SPATA13: variants seen among roughly 807,000 people sequenced by gnomAD.
The protein encoded by SPATA13 is spermatogenesis-associated protein 13.
Under a neutral mutation model 104.0 loss-of-function variants are expected in SPATA13, and 50 were observed. The observed-to-expected ratio is 0.48, with a 90% CI of 0.38 to 0.61. SPATA13 has a LOEUF of 0.61. Among genes scored for constraint, SPATA13 ranks in the 20% least tolerant of loss-of-function variants. The pLI, the probability that SPATA13 is intolerant of heterozygous loss-of-function variation, is 0.00. For missense variants in SPATA13, 1,524 were observed against 1,690.6 expected (o/e 0.90, Z 1.73); for synonymous variants, 606 against 667.5 (o/e 0.91, Z 1.42).
Position 24,290,638 on chromosome 13 carries a change from CT to C in SPATA13, c.2848-10del. ...CACCCCAGAAGCTGACGAAGCTGTA[CT>C]TTTCCTTCCCAGCAAGAGGGCTTTG... On this transcript the variant is annotated splice_polypyrimidine_tract_variant and intron_variant, in intron 8 of 12. Transcript: ENST00000382108. The C allele has an allele frequency of 6.2e-7, 1 of 1,611,446 alleles. No homozygotes were observed.
intron 3 of SPATA13, among the ~76,000 whole-genome samples, chr13:24,065,242 G>A (rs1219327153): frequency 6.6e-6 from 1 of 152,154 alleles, no homozygotes; most frequent in African/African-American, 2.4e-5. Flanking sequence ...ACCAAGAGCT[G>A]TCTACTTAGT....
At chr13:24,089,314 C>G (rs374596629) in intron 3 of SPATA13, among the ~76,000 whole-genome samples, 3 of 152,150 alleles carry the variant, frequency 2.0e-5, no homozygotes, top group Middle Eastern at 3.2e-3. Flanking sequence ...GGGACCCCCC[C>G]ACACACCACT....
chr13:24,233,070 G>T (rs959888456), intron 2 of SPATA13, among the ~76,000 whole-genome samples: 4 of 152,082 alleles, frequency 2.6e-5, no homozygotes, highest in Non-Finnish European at 1.5e-5. Context: ...TTTAATATAT[G>T]AACATCTGTT....
chr13:24,082,411 A>T (rs1292835073), intron 3 of SPATA13, among the ~76,000 whole-genome samples: 1 of 152,188 alleles, frequency 6.6e-6, no homozygotes, highest in Non-Finnish European at 1.5e-5. Flanking sequence ...GGAGGGTAAC[A>T]CTGATGGAGA....
intron 4 of SPATA13, among the ~76,000 whole-genome samples, chr13:24,256,935 T>C (rs1318295826): frequency 4.6e-5 from 7 of 152,264 alleles, no homozygotes. Flanking sequence ...ATGCCCACAC[T>C]GCTAGAAGAT....
At chr13:24,140,270 G>C (rs1365349146) in intron 3 of SPATA13, among the ~76,000 whole-genome samples, 1 of 152,160 alleles carries the variant, frequency 6.6e-6, no homozygotes, top group African/African-American at 2.4e-5. Flanking sequence ...TGTAATCTGT[G>C]AACACCACGG....
intron 2 of SPATA13, among the ~76,000 whole-genome samples, chr13:24,239,430 C>T (rs1423597237): frequency 1.3e-5 from 2 of 152,180 alleles, no homozygotes; most frequent in Middle Eastern, 3.4e-3. Flanking sequence ...TATGGTGGCT[C>T]ACACCTGTAA....
intron 3 of SPATA13, among the ~76,000 whole-genome samples, chr13:24,087,073 C>T (rs1879749570): frequency 6.6e-6 from 1 of 152,182 alleles, no homozygotes; most frequent in Admixed American, 6.5e-5. Flanking sequence ...GGGGTCCCTC[C>T]CCCAGTCACA....
intron 3 of SPATA13, among the ~76,000 whole-genome samples, chr13:24,096,483 A>G (rs1593326566): frequency 6.6e-6 from 1 of 151,978 alleles, no homozygotes; most frequent in Non-Finnish European, 1.5e-5. Context: ...CCTGTAATCC[A>G]AGCTACTCGG....
chr13:24,285,513 T>G (rs116606167), intron 5 of SPATA13, among the ~76,000 whole-genome samples: 1 of 150,508 alleles, frequency 6.6e-6, no homozygotes, highest in African/African-American at 2.5e-5. Flanking sequence ...CTGCCTGCCT[T>G]CCTCCCTCCC....
intron 3 of SPATA13, among the ~76,000 whole-genome samples, chr13:24,097,750 C>T (rs1880128395): frequency 6.6e-6 from 1 of 152,126 alleles, no homozygotes; most frequent in East Asian, 1.9e-4. Context: ...AGAGGGACCC[C>T]CCAACATAGC....
intron 1 of SPATA13, among the ~76,000 whole-genome samples, chr13:23,981,362 T>C (rs188412439): frequency 6.6e-6 from 1 of 152,366 alleles, no homozygotes; most frequent in East Asian, 1.9e-4. Context: ...ATTATGTTAT[T>C]TGTTTACTCA....
intron 3 of SPATA13, among the ~76,000 whole-genome samples, chr13:24,147,216 G>A (rs1174961595): frequency 6.6e-6 from 1 of 152,170 alleles, no homozygotes; most frequent in Admixed American, 6.5e-5. Flanking sequence ...TATGTGTGAT[G>A]CATGTCTCGT....
At chr13:24,020,547 A>C (rs1428317439) in intron 3 of SPATA13, among the ~76,000 whole-genome samples, 1 of 152,220 alleles carries the variant, frequency 6.6e-6, no homozygotes, top group African/African-American at 2.4e-5. Context: ...ATTGTATTTA[A>C]CCTTTAACAG....
chr13:24,078,859 T>A (rs1373478127), intron 3 of SPATA13, among the ~76,000 whole-genome samples: 1 of 152,224 alleles, frequency 6.6e-6, no homozygotes, highest in Non-Finnish European at 1.5e-5. Flanking sequence ...TAAATAGACA[T>A]CCTGTATCCT....
At chr13:24,240,033 G>A (rs912927302) in intron 2 of SPATA13, among the ~76,000 whole-genome samples, 2 of 151,820 alleles carry the variant, frequency 1.3e-5, no homozygotes, top group African/African-American at 4.9e-5. Context: ...GACCGGGTGT[G>A]GTGGCTCACG....
intron 1 of SPATA13, among the ~76,000 whole-genome samples, chr13:24,197,933 AAACAG>A (rs1870161853): frequency 6.6e-6 from 1 of 152,048 alleles, no homozygotes; most frequent in African/African-American, 2.4e-5. Context: ...TGCTTCTCAA[AAACAG>A]AACTGTTGTT....
intron 4 of SPATA13, among the ~76,000 whole-genome samples, chr13:24,259,600 T>C (rs1015058664): frequency 3.3e-5 from 5 of 152,244 alleles, no homozygotes; most frequent in African/African-American, 1.2e-4. Flanking sequence ...AAAGATTTAC[T>C]TATTTATGTA....
intron 1 of SPATA13, among the ~76,000 whole-genome samples, chr13:24,187,690 G>C (rs903663078): frequency 3.9e-5 from 6 of 152,100 alleles, no homozygotes; most frequent in Non-Finnish European, 8.8e-5. Context: ...TATTGTAATT[G>C]TTTTGGGCTT....
Sources: allele counts gnomAD v4.1 joint callset (sites outside exome capture counted in the v4.1 genomes callset), GRCh38; gene constraint gnomAD v4.1.1; transcripts MANE v1.5; gene names NCBI Gene and HGNC (gene_info 2026-07-23, HGNC 2026-07-21).